PRKN: variants seen among roughly 807,000 people sequenced by gnomAD.
PRKN encodes the protein E3 ubiquitin-protein ligase parkin.
Under a neutral mutation model 59.5 loss-of-function variants are expected in PRKN, and 56 were observed. The observed-to-expected ratio is 0.94, with a 90% CI of 0.76 to 1.18. The LOEUF is 1.18. Ranked by LOEUF, PRKN falls within the 50% of genes most tolerant of loss-of-function variation. The pLI is 0.00. For synonymous variants in PRKN, 250 were observed against 222.1 expected, an observed-to-expected ratio of 1.13 and a Z score of -1.12; for missense variants, 657 against 596.4, an observed-to-expected ratio of 1.10 and a Z score of -1.06.
chr6:162,708,599 T>C (rs576006605), intron 1 of PRKN, among the ~76,000 whole-genome samples: 143 of 152,322 alleles, frequency 9.4e-4, no homozygotes, highest in African/African-American at 3.3e-3. Flanking sequence ...TCTTCTATAC[T>C]CCAAATTTTC....
chr6:162,583,898 T>A (rs1780890613), intron 1 of PRKN, among the ~76,000 whole-genome samples: 1 of 151,418 alleles, frequency 6.6e-6, no homozygotes. Flanking sequence ...GTACTTGGAG[T>A]TTTAAATGCA....
intron 4 of PRKN, among the ~76,000 whole-genome samples, chr6:162,057,151 T>C (rs1361607096): frequency 6.6e-6 from 1 of 152,112 alleles, no homozygotes; most frequent in Admixed American, 6.5e-5. Context: ...GGGTCGGGGC[T>C]CATCATTAAT....
rs1052310158 is a variant in PRKN at position 161,955,978 on chromosome 6, A to G, written c.734+17324T>C. Among the ~76,000 whole-genome samples the G allele has an allele frequency of 3.9e-5, 6 of 152,240 alleles. No individual in the cohort carries two copies. In the South Asian group the frequency reaches 1.2e-3, roughly 32 times the overall value. ...GCTTCATAGAACCATGGCTGTGGTAAGTTTGGAGAACAAAGTACAGATAAG... is the reference window on the plus strand; with the variant it reads ...GCTTCATAGAACCATGGCTGTGGTAGGTTTGGAGAACAAAGTACAGATAAG... On this transcript the variant is annotated intron_variant, in intron 6 of 11. Coordinates refer to ENST00000366898, the MANE Select transcript of PRKN (RefSeq NM_004562.3).
chr6:161,738,661 C>A (rs1383266342), intron 7 of PRKN, among the ~76,000 whole-genome samples: 1 of 152,172 alleles, frequency 6.6e-6, no homozygotes, highest in Non-Finnish European at 1.5e-5. Context: ...TGTGTGGTCA[C>A]CAGGTGTAGA....
chr6:162,469,339 G>T (rs76056852), intron 1 of PRKN, among the ~76,000 whole-genome samples: 1 of 132,230 alleles, frequency 7.6e-6, no homozygotes, highest in Admixed American at 7.9e-5. Flanking sequence ...TTAAGAAAGT[G>T]GGGGGGTTGC....
intron 4 of PRKN, among the ~76,000 whole-genome samples, chr6:162,170,380 C>T (rs1256618188): frequency 2.6e-5 from 4 of 152,118 alleles, no homozygotes; most frequent in African/African-American, 7.2e-5. Flanking sequence ...ATTTTTCTTC[C>T]GTTTATTTTC....
chr6:161,574,390 G>A (rs925256387), intron 7 of PRKN, among the ~76,000 whole-genome samples: 3 of 152,136 alleles, frequency 2.0e-5, no homozygotes, highest in African/African-American at 7.2e-5. Context: ...GACCATGTCC[G>A]ATCCTTCCAT....
At chr6:162,602,091 A>G (rs551326675) in intron 1 of PRKN, among the ~76,000 whole-genome samples, 1 of 152,222 alleles carries the variant, frequency 6.6e-6, no homozygotes, top group African/African-American at 2.4e-5. Flanking sequence ...CATGTCATAA[A>G]TGCTAGGACG....
chr6:162,312,871 T>C lies in PRKN; in HGVS notation c.172-50106A>G, dbSNP rs920141547. On this transcript the variant is annotated intron_variant, in intron 2 of 11. Transcript: ENST00000366898. ...GTTTAGAACATTCAGGTTAAGAGTA[T>C]CTAGTGAAGGTAATTTTAAATATTG... Among the ~76,000 whole-genome samples, 8 of 152,126 alleles carry C rather than the reference T, an allele frequency of 5.3e-5. 1 individual carries two copies. The highest frequency in any genetic ancestry group is 1.9e-4 in the African/African-American group (8 of 41,422).
chr6:162,624,392 T>G (rs1017582149), intron 1 of PRKN: 3 of 152,224 alleles, frequency 2.0e-5, no homozygotes, highest in African/African-American at 7.2e-5. Context: ...TAAAAATTAT[T>G]CCATTAACTC....
chr6:162,190,432 A>T (rs1374037814), intron 4 of PRKN, among the ~76,000 whole-genome samples: 2 of 152,196 alleles, frequency 1.3e-5, no homozygotes, highest in Non-Finnish European at 2.9e-5. Flanking sequence ...CCTCAACCTT[A>T]TAAGAAAACT....
intron 2 of PRKN, among the ~76,000 whole-genome samples, chr6:162,388,446 A>T (rs1786968129): frequency 6.6e-6 from 1 of 152,156 alleles, no homozygotes; most frequent in Admixed American, 6.5e-5. Flanking sequence ...TTAATAAGAA[A>T]ATGAAAATTA....
At chr6:162,697,200 G>A (rs560631849) in intron 1 of PRKN, among the ~76,000 whole-genome samples, 2 of 152,072 alleles carry the variant, frequency 1.3e-5, no homozygotes, top group Non-Finnish European at 2.9e-5. Flanking sequence ...AGTTCATTAA[G>A]TTATTCTCCC....
chr6:162,615,201 GA>G (rs1337349239), intron 1 of PRKN, among the ~76,000 whole-genome samples: 1 of 152,106 alleles, frequency 6.6e-6, no homozygotes, highest in Non-Finnish European at 1.5e-5. Flanking sequence ...ATGTGACTTA[GA>G]AAATTACGCA....
intron 2 of PRKN, among the ~76,000 whole-genome samples, chr6:162,415,759 G>A (rs61156795): frequency 0.55 from 82,924 of 151,396 alleles, 23,614 homozygotes; most frequent in African/African-American, 0.7. Flanking sequence ...AGAGGATGCA[G>A]TGAGCCCAAA....
intron 4 of PRKN, among the ~76,000 whole-genome samples, chr6:162,101,206 T>C (rs909097508): frequency 2.0e-5 from 3 of 151,940 alleles, no homozygotes; most frequent in Non-Finnish European, 4.4e-5. Context: ...GCTTTACAGA[T>C]TCAGTTCTTA....
At chr6:162,137,336 G>C (rs1315508055) in intron 4 of PRKN, among the ~76,000 whole-genome samples, 1 of 152,096 alleles carries the variant, frequency 6.6e-6, no homozygotes, top group Non-Finnish European at 1.5e-5. Context: ...TTTATAAAAT[G>C]GAGGCAATAT....
chr6:162,166,341 G>A (rs1343062643), intron 4 of PRKN, among the ~76,000 whole-genome samples: 1 of 152,132 alleles, frequency 6.6e-6, no homozygotes, highest in East Asian at 1.9e-4. Context: ...GGCAGAAATT[G>A]TGGTGGAAAA....
chr6:162,083,251 A>T (rs1226648482), intron 4 of PRKN, among the ~76,000 whole-genome samples: 2 of 152,014 alleles, frequency 1.3e-5, no homozygotes, highest in Non-Finnish European at 2.9e-5. Context: ...GAAAACAAAG[A>T]TCCCCAATCA....
Sources: allele counts gnomAD v4.1 joint callset (sites outside exome capture counted in the v4.1 genomes callset), GRCh38; gene constraint gnomAD v4.1.1; transcripts MANE v1.5; gene names NCBI Gene and HGNC (gene_info 2026-07-23, HGNC 2026-07-21).